Variants in ZNF37A observed in about 807,000 individuals in gnomAD.
ZNF37A encodes the protein zinc finger protein 37A.
Under a neutral mutation model 12.3 loss-of-function variants are expected in ZNF37A, and 10 were observed. The observed-to-expected ratio is 0.82, with a 90% CI of 0.50 to 1.38. ZNF37A has a LOEUF of 1.38. Among genes scored for constraint, ZNF37A ranks in the 40% most tolerant of loss-of-function variants. The pLI is 0.00. For synonymous variants in ZNF37A, 207 were observed against 223.0 expected, an observed-to-expected ratio of 0.93 and a Z score of 0.64; for missense variants, 580 against 651.2, an observed-to-expected ratio of 0.89 and a Z score of 1.19.
intron 5 of ZNF37A, among the ~76,000 whole-genome samples, chr10:38,107,041 A>G (rs1455062482): frequency 1.3e-5 from 2 of 152,150 alleles, no homozygotes; most frequent in Non-Finnish European, 2.9e-5. Context: ...GCAACCCAAG[A>G]CACATAATCA....
intron 5 of ZNF37A, among the ~76,000 whole-genome samples, chr10:38,109,505 A>T (rs1465974054): frequency 6.6e-6 from 1 of 152,208 alleles, no homozygotes; most frequent in East Asian, 1.9e-4. Context: ...TTCAGGCAAG[A>T]GAAAGAAATA....
rs1485072871 is a variant in ZNF37A, at chr10:38,115,175, A to G, written c.143-20A>G. ...AAAACCCACCCAGTTTGTCCCAAGT[A>G]ATACAATTCTCATTCACAGGGTATT... On this transcript the variant is annotated intron_variant, in intron 6 of 7. Transcript: ENST00000685332. 1 of 1,611,710 alleles carries G rather than the reference A, an allele frequency of 6.2e-7. No individual in the cohort carries two copies. Among genetic ancestry groups the G allele is most frequent in the South Asian group, 1.1e-5 (1 of 90,970 alleles).
At chr10:38,145,870 G>A (rs1196936737) in intron 7 of ZNF37A, among the ~76,000 whole-genome samples, 4 of 152,158 alleles carry the variant, frequency 2.6e-5, no homozygotes, top group African/African-American at 7.2e-5. Flanking sequence ...AGGCTGAGGC[G>A]GGCAGATCAC....
In ZNF37A at chr10:38,121,275, A is replaced by G. The variant is rs2069679514; in HGVS notation, c.*2438A>G. On this transcript the variant is annotated 3_prime_UTR_variant, in exon 8 of 8. Transcript: ENST00000685332. The stretch of plus-strand genomic sequence containing the variant: ...CTCATAGATTTAGATGCAAAATCCT[A>G]AAATTGAAAAAAACATCTAGCCATA... 1 of 152,172 alleles carries G rather than the reference A, an allele frequency of 6.6e-6. No homozygotes were observed. Among genetic ancestry groups the G allele is most frequent in the Admixed American group, 6.5e-5 (1 of 15,270 alleles). 9.4% of individuals were successfully genotyped at this position (152,172 alleles called of 1,614,324 possible). A position where few individuals can be genotyped will look rare whatever the true frequency, so the allele number is the denominator to read the frequency against.
intron 7 of ZNF37A, chr10:38,139,463 G>C (rs2070152723): frequency 2.0e-5 from 3 of 152,118 alleles, no homozygotes; most frequent in Admixed American, 1.3e-4. Context: ...CGCCTCCTGG[G>C]TTCAAGTGAT....
Position 38,115,287 on chromosome 10 carries a change from C to G in ZNF37A, c.235C>G (p.Leu79Val), listed in dbSNP as rs774684283. 1.9e-6 allele frequency: 3 copies of G among 1,613,186 alleles called. No homozygotes were observed. The highest frequency in any genetic ancestry group is 8.5e-7 in the Non-Finnish European group (1 of 1,179,654). The change falls in exon 7 of 8, where the codon CTG (leucine) becomes GTG (valine). Residue 79 changes from leucine (L) to valine (V), a missense_variant. Physicochemically the swap from Leu to Val is conservative, Grantham distance 32 (BLOSUM62 1). Transcript: ENST00000685332. Reference protein sequence around the residue: ...LEEKFPSQSHLELINTSRNYS... With the variant: ...LEEKFPSQSHVELINTSRNYS... Reference sequence around the variant, plus strand: ...GGAAAAATTTCCAAGCCAGAGTCATCTGGGTGAGTTAGTATGTGCCAGATG... The same window carrying G: ...GGAAAAATTTCCAAGCCAGAGTCATGTGGGTGAGTTAGTATGTGCCAGATG...
At chr10:38,117,183 G>C (rs2069334273) in intron 7 of ZNF37A, 1 of 985,006 alleles carries the variant, frequency 1.0e-6, no homozygotes, top group South Asian at 4.7e-5. Flanking sequence ...CTGGATTATA[G>C]GACTATGAAT....
chr10:38,115,063 TGAA>T (rs2069137313), intron 6 of ZNF37A, 129 bp from the exon 7 acceptor site: 1 of 955,998 alleles, frequency 1.0e-6, no homozygotes, highest in Non-Finnish European at 1.5e-6. Flanking sequence ...CAGGATTAAA[TGAA>T]GTGTGTGTGT....
chr10:38,140,648 A>G (rs1028387530), intron 7 of ZNF37A: 7 of 152,236 alleles, frequency 4.6e-5, no homozygotes, highest in Non-Finnish European at 8.8e-5. Context: ...AGGACACACT[A>G]TTGCTTGTTC....
At chr10:38,115,066 AGTGTGTGTGT>A (rs56124182) in intron 6 of ZNF37A, 119 bp from the exon 7 acceptor site, 11,933 of 620,678 alleles carry the variant, frequency 0.019, 86 homozygotes, top group African/African-American at 0.039. Context: ...GATTAAATGA[AGTGTGTGTGT>A]GTGTGTGTGT....
At chr10:38,100,077 T>C (rs1341962229) in intron 5 of ZNF37A, among the ~76,000 whole-genome samples, 1 of 152,118 alleles carries the variant, frequency 6.6e-6, no homozygotes, top group Non-Finnish European at 1.5e-5. Flanking sequence ...TGTCGGTAGG[T>C]TCCGTGATGC....
intron 7 of ZNF37A, 193 bp from the exon 8 acceptor site, chr10:38,117,197 A>T: frequency 1.0e-6 from 1 of 985,120 alleles, no homozygotes; most frequent in Non-Finnish European, 1.2e-6. Flanking sequence ...TATGAATTAG[A>T]ACTTTTAGAA....
chr10:38,103,574 G>T (rs1016548083), intron 5 of ZNF37A, among the ~76,000 whole-genome samples: 1 of 151,866 alleles, frequency 6.6e-6, no homozygotes, highest in African/African-American at 2.4e-5. Flanking sequence ...TTTTTTCTGT[G>T]TGTCTGTGGG....
intron 7 of ZNF37A, chr10:38,115,567 C>T (rs893587052): frequency 1.5e-4 from 32 of 219,282 alleles, no homozygotes; most frequent in African/African-American, 7.3e-4. Flanking sequence ...ATATATGTAA[C>T]ACTCATGTAC....
At chr10:38,112,745 CTTTTCTTTTCTTTTCTTTTCTTT>C (rs1564931899) in intron 5 of ZNF37A, among the ~76,000 whole-genome samples, 10 of 34,440 alleles carry the variant, frequency 2.9e-4, no homozygotes, top group Non-Finnish European at 5.4e-4. Context: ...CTTTTCTTTT[CTTTTCTTTTCTTTTCTTTTCTTT>C]TCTTTTCTTT....
rs2067043629 is a variant in ZNF37A at position 38,095,120 on chromosome 10, T to A, written c.-302T>A. On this transcript the variant is annotated 5_prime_UTR_variant, in exon 2 of 8. Transcript: ENST00000685332. ...AGTGGGCATTTTCAGAGGGTCCAGC[T>A]CATGGCTCAAGTGACAGGAAGATGT... The A allele has an allele frequency of 6.6e-6, 1 of 152,578 alleles. No individual in the cohort carries two copies. Among genetic ancestry groups the A allele is most frequent in the South Asian group, 2.1e-4 (1 of 4,842 alleles). 9.5% of individuals were successfully genotyped at this position (152,578 alleles called of 1,614,324 possible). A position where few individuals can be genotyped will look rare whatever the true frequency, so the allele number is the denominator to read the frequency against.
Position 38,118,267 on chromosome 10 carries a change from G to A in ZNF37A, c.1116G>A (p.Val372=). ...KTFSFKSVLT[V]HQKTHTGEKP... ...TCTCATTTAAGTCAGTCCTTACTGT[G>A]CATCAGAAAACACACACAGGGGAGA... Residue 372 remains valine (V), a synonymous_variant, in exon 8 of 8, where the codon GTG becomes GTA. Transcript: ENST00000685332. 1 of 1,612,688 alleles carries A rather than the reference G, an allele frequency of 6.2e-7. No homozygotes were observed. Among genetic ancestry groups the A allele is most frequent in the South Asian group, 1.1e-5 (1 of 91,004 alleles).
chr10:38,126,701 C>T (rs1381297843), downstream of ZNF37A, among the ~76,000 whole-genome samples: 2 of 152,210 alleles, frequency 1.3e-5, no homozygotes, highest in East Asian at 3.9e-4. Context: ...GGGCAGTTCA[C>T]TGTGCAGTGA....
chr10:38,116,993 C>T (rs1163988648), intron 7 of ZNF37A: 1 of 169,498 alleles, frequency 5.9e-6, no homozygotes, highest in Non-Finnish European at 1.2e-5. Flanking sequence ...CCTGTAGTCC[C>T]AGCTACTTGG....
Sources: allele counts gnomAD v4.1 joint callset (sites outside exome capture counted in the v4.1 genomes callset), GRCh38; gene constraint gnomAD v4.1.1; transcripts MANE v1.5; gene names NCBI Gene and HGNC (gene_info 2026-07-23, HGNC 2026-07-21).